Variants in GHR observed in about 807,000 individuals in gnomAD.
GHR encodes growth hormone receptor, also known as GH receptor.
In GHR, 35 loss-of-function variants were observed where a neutral mutation model predicts 67.1. The observed-to-expected ratio is 0.52, with a 90% CI of 0.40 to 0.69. The LOEUF (loss-of-function observed/expected upper bound fraction) is 0.69, where lower values mean the gene tolerates loss of function less well. Ranked by LOEUF, GHR falls within the 30% of genes least tolerant of loss-of-function variation. The pLI, the probability that GHR is intolerant of heterozygous loss-of-function variation, is 0.00. For missense variants in GHR, 792 were observed against 764.6 expected (o/e 1.04, Z -0.42); for synonymous variants, 272 against 269.1 (o/e 1.01, Z -0.10).
At chr5:42,536,642 T>C in intron 1 of GHR, among the ~76,000 whole-genome samples, 1 of 152,140 alleles carries the variant, frequency 6.6e-6, no homozygotes, top group Non-Finnish European at 1.5e-5. Flanking sequence ...GGTTATGTCC[T>C]TTCCTGGTTT....
intron 6 of GHR, among the ~76,000 whole-genome samples, chr5:42,708,430 A>G: frequency 6.6e-6 from 1 of 152,146 alleles, no homozygotes. Context: ...GTTGTTTGGG[A>G]AAGTACAATA....
intron 1 of GHR, among the ~76,000 whole-genome samples, chr5:42,474,295 G>GAGAAAGAAAGAA (rs59927289): frequency 0.14 from 11,391 of 80,964 alleles, 1,089 homozygotes; most frequent in Non-Finnish European, 0.15. Flanking sequence ...AAAAGAGAAA[G>GAGAAAGAAAGAA]AGAAAGAAAG....
chr5:42,518,226 C>A (rs1001029092), intron 1 of GHR, among the ~76,000 whole-genome samples: 1 of 150,934 alleles, frequency 6.6e-6, no homozygotes, highest in Non-Finnish European at 1.5e-5. Context: ...GGCAGCTACT[C>A]ATACAGAGGA....
intron 1 of GHR, among the ~76,000 whole-genome samples, chr5:42,455,940 C>T (rs1206940580): frequency 1.3e-5 from 2 of 152,212 alleles, no homozygotes; most frequent in African/African-American, 4.8e-5. Flanking sequence ...GTTTCCTCAT[C>T]TACAGAATAG....
At chr5:42,453,549 T>A (rs1744137809) in intron 1 of GHR, among the ~76,000 whole-genome samples, 1 of 152,164 alleles carries the variant, frequency 6.6e-6, no homozygotes, top group Non-Finnish European at 1.5e-5. Flanking sequence ...GAAAGAAAAC[T>A]ATTCACCTCA....
At chr5:42,632,729 A>G (rs1375519839) in intron 3 of GHR, among the ~76,000 whole-genome samples, 1 of 152,184 alleles carries the variant, frequency 6.6e-6, no homozygotes, top group Non-Finnish European at 1.5e-5. Flanking sequence ...TACTCCACTT[A>G]TGCAAAGGTC....
At chr5:42,531,180 T>C (rs917568075) in intron 1 of GHR, among the ~76,000 whole-genome samples, 2 of 152,002 alleles carry the variant, frequency 1.3e-5, no homozygotes, top group Non-Finnish European at 2.9e-5. Context: ...GGCAGGAGAA[T>C]TGCTTGAACC....
intron 3 of GHR, among the ~76,000 whole-genome samples, chr5:42,649,776 A>T (rs1304573268): frequency 6.6e-6 from 1 of 152,220 alleles, no homozygotes; most frequent in Admixed American, 6.5e-5. Flanking sequence ...TCTTAAAAGC[A>T]TGTTCTCCTG....
intron 6 of GHR, among the ~76,000 whole-genome samples, chr5:42,703,481 A>C (rs1209182603): frequency 6.6e-6 from 1 of 151,954 alleles, no homozygotes; most frequent in African/African-American, 2.4e-5. Flanking sequence ...AGGTTGGTAG[A>C]GTGATGATTT....
At chr5:42,451,439 A>G (rs1744044962) in intron 1 of GHR, among the ~76,000 whole-genome samples, 1 of 149,798 alleles carries the variant, frequency 6.7e-6, no homozygotes, top group Admixed American at 6.7e-5. Context: ...GTTTTGTCTG[A>G]TATAAGAATA....
intron 1 of GHR, among the ~76,000 whole-genome samples, chr5:42,434,308 A>G (rs1234720265): frequency 1.3e-5 from 2 of 152,146 alleles, no homozygotes; most frequent in Non-Finnish European, 2.9e-5. Flanking sequence ...TAGGTAGTGC[A>G]TAGGGACATT....
intron 1 of GHR, chr5:42,466,113 A>C (rs1744722714): frequency 1.2e-5 from 4 of 330,044 alleles, no homozygotes; most frequent in Non-Finnish European, 2.3e-5. Flanking sequence ...TGCAATGGGA[A>C]TTGGGAGCTT....
chr5:42,571,362 G>A (rs867617444), intron 2 of GHR, among the ~76,000 whole-genome samples: 26 of 152,220 alleles, frequency 1.7e-4, no homozygotes, highest in African/African-American at 6.3e-4. Context: ...AGGGTCTACA[G>A]CAAGGACAAA....
chr5:42,623,881 T>G (rs1753575015), intron 2 of GHR, among the ~76,000 whole-genome samples: 1 of 152,192 alleles, frequency 6.6e-6, no homozygotes. Flanking sequence ...TTGGATGTGA[T>G]TCTCTGCTTA....
At chr5:42,477,296 G>C (rs1745380957) in intron 1 of GHR, among the ~76,000 whole-genome samples, 1 of 152,016 alleles carries the variant, frequency 6.6e-6, no homozygotes, top group Admixed American at 6.6e-5. Flanking sequence ...GGACATTTGG[G>C]TTGGTTCCAA....
chr5:42,688,022 G>A lies in GHR; in HGVS notation c.137-868G>A, dbSNP rs559852709. 2.6e-5 allele frequency among the ~76,000 whole-genome samples: 4 copies of A among 152,266 alleles called. No individual in the cohort carries two copies. In the East Asian group the frequency reaches 7.7e-4, roughly 29 times the overall value. ...ATTCCTAACACATGAGAGGCATTCT[G>A]CACTTACTTCTCAAATTAGAATTAA... On this transcript the variant is annotated intron_variant, in intron 3 of 9. Transcript: ENST00000230882.
intron 3 of GHR, among the ~76,000 whole-genome samples, chr5:42,646,158 C>CT (rs11415813): frequency 0.34 from 51,737 of 151,940 alleles, 10,098 homozygotes; most frequent in African/African-American, 0.54. Flanking sequence ...TTTTACTAAA[C>CT]TTTTAGAACA....
chr5:42,570,003 AC>A (rs1750194455), intron 2 of GHR, among the ~76,000 whole-genome samples: 1 of 152,134 alleles, frequency 6.6e-6, no homozygotes, highest in Non-Finnish European at 1.5e-5. Context: ...AAGGAAAGAC[AC>A]CCCTGTTCTC....
chr5:42,501,382 AAT>A (rs1331168137), intron 1 of GHR, among the ~76,000 whole-genome samples: 1 of 152,050 alleles, frequency 6.6e-6, no homozygotes, highest in Non-Finnish European at 1.5e-5. Flanking sequence ...TCATTACATC[AAT>A]GTCATTAGGC....
Sources: gnomAD v4.1 joint callset for allele counts (sites outside exome capture counted in the v4.1 genomes callset) on GRCh38, gnomAD v4.1.1 for gene constraint, MANE v1.5 for transcripts, NCBI Gene and HGNC (gene_info 2026-07-23, HGNC 2026-07-21) for gene names.